The following COL22A1 variants were observed in gnomAD, a reference collection of about 807,000 sequenced individuals.
COL22A1 encodes the protein collagen alpha-1(XXII) chain.
COL22A1 carries 221 observed loss-of-function variants against 248.9 expected under a neutral mutation model. That is an observed-to-expected ratio of 0.89 (90% CI 0.80 to 0.99). The LOEUF is 0.99. Among genes scored for constraint, COL22A1 ranks in the 50% least tolerant of loss-of-function variants. COL22A1 has a pLI of 0.00. For missense variants in COL22A1, 2,240 were observed against 2,179.0 expected, an observed-to-expected ratio of 1.03 and a Z score of -0.56; for synonymous variants, 891 against 793.4, an observed-to-expected ratio of 1.12 and a Z score of -2.07.
At position 138,589,298 on chromosome 8, in the gene COL22A1, G is replaced by A. The variant is rs1259875598; in HGVS notation, c.4836C>T (p.Tyr1612=). 2.5e-6 allele frequency: 4 copies of A among 1,613,842 alleles called. No homozygotes were observed. The Admixed American group carries it at 5.0e-5, about 20-fold the overall frequency. Residue 1612 remains tyrosine (Y), a synonymous_variant, in exon 65 of 65, where the codon TAC becomes TAT. Transcript: ENST00000303045. ...PGQCDPSQCA[Y]FASLAARPGN... is the part of the protein sequence containing the mutation. ...CCGGCCGGGCAGCAAGGCTGGCGAA[G>A]TAGGCACACTGGGAAGGGTCACATT... is the stretch of plus-strand genomic sequence containing the variant.
At chr8:138,709,238 C>T (rs1586529224) in intron 30 of COL22A1, among the ~76,000 whole-genome samples, 1 of 152,128 alleles carries the variant, frequency 6.6e-6, no homozygotes. Context: ...GGCGATTCCT[C>T]AAGGATCTAG....
intron 39 of COL22A1, among the ~76,000 whole-genome samples, chr8:138,681,826 C>A (rs976387363): frequency 2.6e-5 from 4 of 152,126 alleles, no homozygotes; most frequent in Non-Finnish European, 2.9e-5. Flanking sequence ...TATGTATTTA[C>A]TCATATCACA....
At chr8:138,599,549 T>A (rs760779850) in intron 60 of COL22A1, among the ~76,000 whole-genome samples, 7 of 151,892 alleles carry the variant, frequency 4.6e-5, no homozygotes, top group Non-Finnish European at 7.4e-5. Context: ...TATGACTCCA[T>A]CATTAGCAAA....
At chr8:138,772,429 G>A (rs1834451048) in intron 16 of COL22A1, among the ~76,000 whole-genome samples, 1 of 152,210 alleles carries the variant, frequency 6.6e-6, no homozygotes, top group Admixed American at 6.5e-5. Flanking sequence ...CAGAAGGAGA[G>A]GCTCTGGGAC....
chr8:138,680,317 A>G (rs1393412302), intron 39 of COL22A1, among the ~76,000 whole-genome samples: 1 of 152,146 alleles, frequency 6.6e-6, no homozygotes, highest in Non-Finnish European at 1.5e-5. Flanking sequence ...GTAGGGGTTA[A>G]ACACTCTTTA....
chr8:138,702,147 C>G (rs998622511), intron 31 of COL22A1, among the ~76,000 whole-genome samples: 8 of 152,196 alleles, frequency 5.3e-5, no homozygotes, highest in Non-Finnish European at 1.0e-4. Flanking sequence ...TATATTGGTA[C>G]TGCCAAGTAA....
chr8:138,639,926 T>C (rs939231572), intron 47 of COL22A1, among the ~76,000 whole-genome samples: 17 of 152,194 alleles, frequency 1.1e-4, no homozygotes, highest in African/African-American at 2.9e-4. Context: ...TAAGGTCAAT[T>C]AGTTAATACA....
intron 4 of COL22A1, among the ~76,000 whole-genome samples, chr8:138,838,978 C>T (rs566359176): frequency 1.3e-5 from 2 of 152,230 alleles, no homozygotes; most frequent in East Asian, 3.9e-4. Flanking sequence ...CTCCCCCACC[C>T]CCTTAGCTGC....
rs73368824 is a variant in COL22A1, at chr8:138,855,559, G to A, written c.659-11401C>T. ...AGCACCACAGCTTTCAAAGCCAGCC[G>A]GGAAACTCCCTGTCCAAAGCAATCC... On this transcript the variant is annotated intron_variant, in intron 3 of 64. Transcript: ENST00000303045. 3.4e-3 allele frequency among the ~76,000 whole-genome samples: 520 copies of A among 152,240 alleles called. 5 individuals carry two copies. The highest frequency in any genetic ancestry group is 0.012 in the African/African-American group (479 of 41,536).
At position 138,773,024 on chromosome 8, in the gene COL22A1, G is replaced by C. The variant is rs377621142; in HGVS notation, c.1803+2942C>G. ...CCTAGCTGCAGACACTGAGGCTGGG[G>C]ACAGGCCCCCCAGTTAAAAAATATA... On this transcript the variant is annotated intron_variant, in intron 16 of 64. Transcript: ENST00000303045. 6.5e-4 allele frequency among the ~76,000 whole-genome samples: 99 copies of C among 152,348 alleles called. No homozygotes were observed. The South Asian group carries it at 0.02, about 31-fold the overall frequency.
At chr8:138,896,616 T>C (rs1054476562) in intron 1 of COL22A1, among the ~76,000 whole-genome samples, 2 of 152,170 alleles carry the variant, frequency 1.3e-5, no homozygotes, top group African/African-American at 2.4e-5. Context: ...ACATAATACA[T>C]TGGCAGACTT....
intron 56 of COL22A1, among the ~76,000 whole-genome samples, chr8:138,612,219 T>C (rs569956501): frequency 1.7e-4 from 26 of 152,320 alleles, no homozygotes; most frequent in African/African-American, 6.3e-4. Flanking sequence ...TCTGATTGCC[T>C]CTACAATGAG....
At chr8:138,865,986 T>C (rs768685932) in intron 3 of COL22A1, among the ~76,000 whole-genome samples, 1 of 152,140 alleles carries the variant, frequency 6.6e-6, no homozygotes, top group Non-Finnish European at 1.5e-5. Context: ...TGTGTGTGTT[T>C]GTATGCCTGT....
intron 53 of COL22A1, among the ~76,000 whole-genome samples, chr8:138,617,391 T>C (rs1675885511): frequency 6.6e-6 from 1 of 152,110 alleles, no homozygotes; most frequent in South Asian, 2.1e-4. Context: ...TCCTTGTTCC[T>C]GTGGCCATTG....
At chr8:138,730,021 C>T (rs1830594023) in intron 23 of COL22A1, among the ~76,000 whole-genome samples, 1 of 152,156 alleles carries the variant, frequency 6.6e-6, no homozygotes, top group Non-Finnish European at 1.5e-5. Context: ...GCCTTTCAGC[C>T]CACGGCTAGG....
chr8:138,706,943 G>T (rs184495017), intron 30 of COL22A1, among the ~76,000 whole-genome samples: 12 of 152,244 alleles, frequency 7.9e-5, no homozygotes, highest in African/African-American at 2.6e-4. Flanking sequence ...AATAAAAAAT[G>T]ATAAAGGGGA....
At chr8:138,689,551 A>G (rs1399176419) in intron 36 of COL22A1, among the ~76,000 whole-genome samples, 1 of 152,018 alleles carries the variant, frequency 6.6e-6, no homozygotes, top group African/African-American at 2.4e-5. Flanking sequence ...CCCCATCTCC[A>G]CTAAAATACA....
chr8:138,788,445 C>T (rs1358303487), intron 12 of COL22A1, among the ~76,000 whole-genome samples: 2 of 152,182 alleles, frequency 1.3e-5, no homozygotes, highest in Admixed American at 6.5e-5. Flanking sequence ...GAAAGTTAAA[C>T]TAAATAGCAC....
chr8:138,658,794 T>G (rs1564154927), intron 44 of COL22A1, among the ~76,000 whole-genome samples: 1 of 152,130 alleles, frequency 6.6e-6, no homozygotes, highest in Non-Finnish European at 1.5e-5. Flanking sequence ...ATTAGTGAGC[T>G]CAGAGATACC....
Sources: allele counts gnomAD v4.1 joint callset (sites outside exome capture counted in the v4.1 genomes callset), GRCh38; gene constraint gnomAD v4.1.1; transcripts MANE v1.5; gene names NCBI Gene and HGNC (gene_info 2026-07-23, HGNC 2026-07-21).